Variants in CLCN1 observed in about 807,000 individuals in gnomAD.
CLCN1 encodes the protein chloride channel protein 1.
Under a neutral mutation model 114.5 loss-of-function variants are expected in CLCN1, and 100 were observed. The observed-to-expected ratio is 0.87, with a 90% CI of 0.74 to 1.03. The LOEUF (loss-of-function observed/expected upper bound fraction) is 1.03. CLCN1 is among the 50% of genes least tolerant of loss of function. The pLI, the probability that CLCN1 is intolerant of heterozygous loss-of-function variation, is 0.00. For synonymous variants in CLCN1, 485 were observed against 487.1 expected, an observed-to-expected ratio of 1.00 and a Z score of 0.06; for missense variants, 1,188 against 1,250.0, an observed-to-expected ratio of 0.95 and a Z score of 0.75.
rs1803430519 is a variant in CLCN1 at position 143,352,060 on chromosome 7, A to G, written c.*95A>G. 6.6e-7 allele frequency: 1 copy of G among 1,525,716 alleles called. No homozygotes were observed. The highest frequency in any genetic ancestry group is 1.1e-5 in the South Asian group (1 of 88,252). The allele number at this position is 1,525,716 out of a possible 1,614,324, so 94.5% of individuals were successfully genotyped here. On this transcript the variant is annotated 3_prime_UTR_variant, in exon 23 of 23. Coordinates refer to ENST00000343257, the MANE Select transcript of CLCN1 (RefSeq NM_000083.3). ...GGTGCGTCCTGAATGTGGCGAGGTC[A>G]TGCCAATGTCGTGGCCTCTTCCAGG...
rs1802425288 is a variant in CLCN1, at chr7:143,321,325, C to T, written c.434-40C>T. On this transcript the variant is annotated intron_variant, in intron 3 of 22. Coordinates refer to ENST00000343257, the MANE Select transcript of CLCN1 (RefSeq NM_000083.3). This position sits in a 1 kb window ranked among gnomAD's most constrained non-coding sequence, Gnocchi z 4.2. ...TCCTGGTGCCGTGGACACGGCTGCT[C>T]AGCCATGTTCTGCCTAACCCCAGGC... 3.1e-6 allele frequency: 5 copies of T among 1,612,766 alleles called. No homozygotes were observed. The highest frequency in any genetic ancestry group is 3.4e-6 in the Non-Finnish European group (4 of 1,179,522).
intron 12 of CLCN1, among the ~76,000 whole-genome samples, chr7:143,336,545 G>A (rs1418661098): frequency 4.0e-5 from 6 of 149,024 alleles, no homozygotes; most frequent in Non-Finnish European, 5.9e-5. Flanking sequence ...GGGAGCCAGA[G>A]GTGGCAGTGA....
intron 20 of CLCN1, among the ~76,000 whole-genome samples, chr7:143,348,228 A>G (rs1011732147): frequency 6.6e-6 from 1 of 152,192 alleles, no homozygotes; most frequent in Non-Finnish European, 1.5e-5. Flanking sequence ...ACTTGTGAAA[A>G]AGTCAAATCG....
At chr7:143,331,153 C>T in intron 8 of CLCN1, 79 bp from the exon 9 acceptor site, 3 of 1,181,894 alleles carry the variant, frequency 2.5e-6, no homozygotes, top group Non-Finnish European at 3.8e-6. Context: ...AGGAATTAAT[C>T]CTGAAAACTG....
Position 143,324,856 on chromosome 7 carries a change from C to T in CLCN1, c.853+364C>T, listed in dbSNP as rs1802537860. ...ATTGTTGGATGTTTTTGCCCTACAC[C>T]GATGACATCTCTAACAGGGGACTCT... On this transcript the variant is annotated intron_variant, in intron 7 of 22. Coordinates refer to ENST00000343257, the MANE Select transcript of CLCN1 (RefSeq NM_000083.3). This position sits in a 1 kb window ranked among gnomAD's most constrained non-coding sequence, Gnocchi z 4.6. 2.0e-5 allele frequency among the ~76,000 whole-genome samples: 3 copies of T among 152,136 alleles called. No individual in the cohort carries two copies. Among genetic ancestry groups the T allele is most frequent in the Admixed American group, 6.5e-5 (1 of 15,274 alleles).
rs952353510 is a variant in CLCN1, at chr7:143,351,020, C to T, written c.2595+366C>T. Among the ~76,000 whole-genome samples the T allele has an allele frequency of 1.9e-4, 29 of 152,230 alleles. 1 individual carries two copies. Among genetic ancestry groups the T allele is most frequent in the Admixed American group, 3.9e-4 (6 of 15,284 alleles). Reference sequence around the variant, plus strand: ...CTCAAACTCCTGACCTCAGGTGATCCGCCCGCCTCGGCTTCCCAAAATGCT... The same window carrying T: ...CTCAAACTCCTGACCTCAGGTGATCTGCCCGCCTCGGCTTCCCAAAATGCT... On this transcript the variant is annotated intron_variant, in intron 22 of 22. Coordinates refer to ENST00000343257, the MANE Select transcript of CLCN1 (RefSeq NM_000083.3).
At chr7:143,328,429 T>C (rs1802631996) in intron 7 of CLCN1, among the ~76,000 whole-genome samples, 1 of 152,178 alleles carries the variant, frequency 6.6e-6, no homozygotes, top group African/African-American at 2.4e-5. Flanking sequence ...GTTTTTGTTT[T>C]TAATGCTTTG....
chr7:143,328,187 T>A (rs192819692), intron 7 of CLCN1, among the ~76,000 whole-genome samples: 1 of 152,090 alleles, frequency 6.6e-6, no homozygotes, highest in Admixed American at 6.6e-5. Context: ...GGTTGACGAG[T>A]CTGAAGCTCA....
At chr7:143,346,970 C>A (rs1395696233) in intron 20 of CLCN1, 21 bp downstream of exon 20, 1 of 1,602,832 alleles carries the variant, frequency 6.2e-7, no homozygotes, top group South Asian at 1.1e-5. Context: ...GAAATGGAAA[C>A]CTGGGGTGGA....
At chr7:143,325,288 T>A (rs1586490152) in intron 7 of CLCN1, among the ~76,000 whole-genome samples, 1 of 152,250 alleles carries the variant, frequency 6.6e-6, no homozygotes, top group East Asian at 1.9e-4. Flanking sequence ...ATATGCTTCT[T>A]AAATGACCCA....
intron 20 of CLCN1, among the ~76,000 whole-genome samples, chr7:143,347,975 A>G (rs936985091): frequency 6.6e-6 from 1 of 152,208 alleles, no homozygotes; most frequent in South Asian, 2.1e-4. Context: ...ATTGGCAACT[A>G]TTCCATATGG....
intron 2 of CLCN1, among the ~76,000 whole-genome samples, chr7:143,320,244 G>A (rs1802388732): frequency 6.6e-6 from 1 of 152,188 alleles, no homozygotes; most frequent in African/African-American, 2.4e-5. Context: ...CAAATTCCTG[G>A]GATTAGAGGC....
At chr7:143,344,914 C>A (rs970823799) in intron 16 of CLCN1, among the ~76,000 whole-genome samples, 1 of 152,060 alleles carries the variant, frequency 6.6e-6, no homozygotes, top group Non-Finnish European at 1.5e-5. Flanking sequence ...CCACGCCCAG[C>A]TAATTTTTTT....
At chr7:143,322,022 T>G (rs1802453700) in intron 5 of CLCN1, among the ~76,000 whole-genome samples, 174 bp downstream of exon 5, 1 of 152,232 alleles carries the variant, frequency 6.6e-6, no homozygotes, top group Non-Finnish European at 1.5e-5. Flanking sequence ...TGAGGTCCAA[T>G]GACAAAAACC....
chr7:143,351,936 G>C lies in CLCN1; in HGVS notation c.2938G>C (p.Glu980Gln). 1 of 1,613,214 alleles carries C rather than the reference G, an allele frequency of 6.2e-7. No homozygotes were observed. Among genetic ancestry groups the C allele is most frequent in the Non-Finnish European group, 8.5e-7 (1 of 1,180,028 alleles). The change falls in exon 23 of 23, where the codon GAG becomes CAG. Residue 980 changes from glutamate to glutamine, a missense_variant. Glu to Gln is a conservative substitution (Grantham distance 29, BLOSUM62 2). Coordinates refer to ENST00000343257, the MANE Select transcript of CLCN1 (RefSeq NM_000083.3). ...LQGPSLRSTD[E>Q]EDEDELIL ...GGGCCCCAGCCTGCGATCCACAGAC[G>C]AGGAGGATGAGGATGAACTGATCCT...
chr7:143,319,243 A>AGAG (rs1312753395), intron 1 of CLCN1, among the ~76,000 whole-genome samples: 1 of 152,198 alleles, frequency 6.6e-6, no homozygotes, highest in Non-Finnish European at 1.5e-5. Context: ...GAAGCTTGAT[A>AGAG]GAGGACCTGA....
chr7:143,341,940 C>T lies in CLCN1; in HGVS notation c.1594C>T (p.Leu532=), dbSNP rs371412890. ...CTGTGTCATTCTAGGAGCAGCAGCG[C>T]TGACTGGTGCCGTTTCCCACACAGT... ...GGYAVIGAAA[L]TGAVSHTVST... is the part of the protein sequence containing the mutation. The change falls in exon 15 of 23, where the codon CTG becomes TTG. Residue 532 remains leucine (L), a synonymous_variant. Coordinates refer to ENST00000343257, the MANE Select transcript of CLCN1 (RefSeq NM_000083.3). 1.9e-6 allele frequency: 3 copies of T among 1,613,336 alleles called. No individual in the cohort carries two copies. Among genetic ancestry groups the T allele is most frequent in the Non-Finnish European group, 2.5e-6 (3 of 1,179,912 alleles).
chr7:143,351,941 G>A lies in CLCN1; in HGVS notation c.2943G>A (p.Glu981=). 2 of 1,613,144 alleles carry A rather than the reference G, an allele frequency of 1.2e-6. No individual in the cohort carries two copies. Among genetic ancestry groups the A allele is most frequent in the Non-Finnish European group, 1.7e-6 (2 of 1,180,036 alleles). ...CCAGCCTGCGATCCACAGACGAGGA[G>A]GATGAGGATGAACTGATCCTTTGAC... ...QGPSLRSTDE[E]DEDELIL is the part of the protein sequence containing the mutation. The change falls in exon 23 of 23, where the codon GAG becomes GAA. Residue 981 remains glutamate, a synonymous_variant. Coordinates refer to ENST00000343257, the MANE Select transcript of CLCN1 (RefSeq NM_000083.3).
chr7:143,336,047 G>A (rs1456657751), intron 12 of CLCN1, among the ~76,000 whole-genome samples: 1 of 152,114 alleles, frequency 6.6e-6, no homozygotes, highest in East Asian at 1.9e-4. Context: ...TATACATCAA[G>A]AGAAGAGCTT....
Sources: allele counts gnomAD v4.1 joint callset (sites outside exome capture counted in the v4.1 genomes callset), GRCh38; gene constraint gnomAD v4.1.1; non-coding constraint Gnocchi (gnomAD v3.1); transcripts MANE v1.5; gene names NCBI Gene and HGNC (gene_info 2026-07-23, HGNC 2026-07-21).